The following SEL1L2 variants were observed in gnomAD, a reference collection of about 807,000 sequenced individuals.
SEL1L2 encodes SEL1L2 adaptor subunit of SYVN1 ubiquitin ligase.
A neutral mutation model predicts 98.8 loss-of-function variants in SEL1L2; 89 were observed. That is an observed-to-expected ratio of 0.90 (90% CI 0.76 to 1.07). SEL1L2 has a LOEUF of 1.07. SEL1L2 is among the 50% of genes least tolerant of loss of function. The probability of loss-of-function intolerance (pLI) is 0.00; values close to 1 mark genes in which losing one functional copy is unlikely to be tolerated. For missense variants in SEL1L2, 788 were observed against 812.0 expected, an observed-to-expected ratio of 0.97 and a Z score of 0.36; for synonymous variants, 262 against 278.5, an observed-to-expected ratio of 0.94 and a Z score of 0.59.
Position 13,887,833 on chromosome 20 carries a change from C to T in SEL1L2, c.681G>A (p.Ser227=), listed in dbSNP as rs755645284. 4.3e-5 allele frequency: 69 copies of T among 1,613,068 alleles called. No homozygotes were observed. Among genetic ancestry groups the T allele is most frequent in the Non-Finnish European group, 5.1e-5 (60 of 1,179,420 alleles). ...CACAATTCTGTAGAACATTGATTCC[C>T]GACAAATATCTGTACCCCTAAAACA... ...SQMILGYRYL[S]GINVLQNCEV... is the part of the protein sequence containing the mutation. Residue 227 remains serine, a synonymous_variant, in exon 8 of 20, where the codon TCG becomes TCA. Coordinates refer to ENST00000284951, the MANE Select transcript of SEL1L2 (RefSeq NM_025229.2).
chr20:13,994,052 T>A (rs1265211952), upstream of SEL1L2, among the ~76,000 whole-genome samples: 6 of 152,136 alleles, frequency 3.9e-5, no homozygotes, highest in African/African-American at 1.4e-4. Context: ...GGCTCACGCC[T>A]GTAATCCCAG....
chr20:13,871,616 A>G (rs1028847167), intron 12 of SEL1L2, among the ~76,000 whole-genome samples: 6 of 151,634 alleles, frequency 4.0e-5, no homozygotes, highest in Admixed American at 2.6e-4. Flanking sequence ...GGTTCAAACT[A>G]TTCTCCTGCC....
chr20:13,977,680 T>G (rs1313781810), intron 1 of SEL1L2, among the ~76,000 whole-genome samples: 1 of 152,152 alleles, frequency 6.6e-6, no homozygotes, highest in African/African-American at 2.4e-5. Context: ...GCATGAGTAT[T>G]TATGTGTTCT....
chr20:13,921,998 C>T (rs6079219), intron 3 of SEL1L2, among the ~76,000 whole-genome samples: 4 of 152,178 alleles, frequency 2.6e-5, no homozygotes, highest in Non-Finnish European at 4.4e-5. Flanking sequence ...TGAAACCTGC[C>T]TAGTATCTAA....
At chr20:13,975,289 A>G (rs1446275375) in intron 1 of SEL1L2, among the ~76,000 whole-genome samples, 1 of 152,238 alleles carries the variant, frequency 6.6e-6, no homozygotes, top group African/African-American at 2.4e-5. Flanking sequence ...TTTGTTCTAT[A>G]TGAAAGCAAA....
At chr20:13,916,235 T>G (rs2048394541) in intron 4 of SEL1L2, among the ~76,000 whole-genome samples, 1 of 152,182 alleles carries the variant, frequency 6.6e-6, no homozygotes, top group Non-Finnish European at 1.5e-5. Context: ...TTAACCTATC[T>G]TACATCTGTC....
intron 2 of SEL1L2, among the ~76,000 whole-genome samples, chr20:13,933,364 C>T (rs2049244390): frequency 6.6e-6 from 1 of 152,004 alleles, no homozygotes; most frequent in Non-Finnish European, 1.5e-5. Context: ...AATTTTAGAA[C>T]ATTTTTATCA....
chr20:13,986,258 A>G (rs1448285802), intron 1 of SEL1L2, among the ~76,000 whole-genome samples: 1 of 152,184 alleles, frequency 6.6e-6, no homozygotes, highest in Non-Finnish European at 1.5e-5. Flanking sequence ...TGAAATCCAT[A>G]TAACATAAAA....
intron 5 of SEL1L2, among the ~76,000 whole-genome samples, chr20:13,912,292 ATTTTT>A (rs11478603): frequency 9.0e-6 from 1 of 111,344 alleles, no homozygotes; most frequent in Non-Finnish European, 1.8e-5. Flanking sequence ...TTTCTGTGGG[ATTTTT>A]TTTTTTTTTT....
chr20:13,939,918 C>T (rs577003317), intron 2 of SEL1L2, among the ~76,000 whole-genome samples: 2 of 152,160 alleles, frequency 1.3e-5, no homozygotes, highest in East Asian at 3.9e-4. Context: ...CCACCTGCCT[C>T]GGCCTCCCAA....
chr20:13,861,621 G>A (rs941672659), intron 17 of SEL1L2, among the ~76,000 whole-genome samples: 3 of 152,002 alleles, frequency 2.0e-5, no homozygotes, highest in Admixed American at 6.6e-5. Flanking sequence ...TATTTTAATC[G>A]CTCTGAAGAG....
chr20:13,921,360 T>C (rs1249974846), intron 3 of SEL1L2, among the ~76,000 whole-genome samples: 1 of 152,168 alleles, frequency 6.6e-6, no homozygotes. Context: ...TTGGTAGAGA[T>C]GTGGTTTCAC....
chr20:13,950,228 A>T (rs2050203913), intron 2 of SEL1L2, among the ~76,000 whole-genome samples: 1 of 152,166 alleles, frequency 6.6e-6, no homozygotes, highest in Admixed American at 6.5e-5. Flanking sequence ...TCGGTTTTAC[A>T]AGATGGAGAG....
chr20:13,910,233 C>T (rs1331517348), intron 5 of SEL1L2, among the ~76,000 whole-genome samples: 1 of 152,132 alleles, frequency 6.6e-6, no homozygotes, highest in Admixed American at 6.6e-5. Flanking sequence ...TGACTGATCC[C>T]AAAGACAATG....
intron 1 of SEL1L2, among the ~76,000 whole-genome samples, chr20:13,983,796 T>G (rs1054983417): frequency 6.6e-6 from 1 of 151,118 alleles, no homozygotes; most frequent in Non-Finnish European, 1.5e-5. Flanking sequence ...GCTGGGATTG[T>G]AGGTATGAAC....
chr20:13,888,635 C>A (rs879242456), intron 5 of SEL1L2, 123 bp from the exon 6 acceptor site: 3 of 203,632 alleles, frequency 1.5e-5, no homozygotes, highest in African/African-American at 4.1e-5. Context: ...CTTTCTTTCT[C>A]TTTTTTTTTT....
chr20:13,862,920 C>A (rs928068359), intron 17 of SEL1L2, among the ~76,000 whole-genome samples: 1 of 151,994 alleles, frequency 6.6e-6, no homozygotes, highest in African/African-American at 2.4e-5. Flanking sequence ...TGGTCTTGAA[C>A]TATTGGTCTC....
intron 17 of SEL1L2, among the ~76,000 whole-genome samples, chr20:13,863,112 A>T (rs554710983): frequency 5.0e-4 from 76 of 152,304 alleles, no homozygotes; most frequent in African/African-American, 1.7e-3. Context: ...CCCAGAAAAG[A>T]GGCCCAAGGG....
Position 13,870,185 on chromosome 20 carries a change from G to A in SEL1L2, c.1123C>T (p.His375Tyr), listed in dbSNP as rs760998207. 1 of 1,611,388 alleles carries A rather than the reference G, an allele frequency of 6.2e-7. No individual in the cohort carries two copies. Among genetic ancestry groups the A allele is most frequent in the Admixed American group, 1.7e-5 (1 of 59,932 alleles). The change falls in exon 13 of 20, where the codon CAT becomes TAT. Residue 375 changes from histidine to tyrosine, a missense_variant. Transcript: ENST00000284951. ...AASKGNAIGL[H>Y]GLGLLYFHGK... Reference sequence around the variant, plus strand: ...TGAAAGTAAAGAAGACCAAGCCCATGAAGGCCGATTGCATTGCCCTAGAAG... The same window carrying A: ...TGAAAGTAAAGAAGACCAAGCCCATAAAGGCCGATTGCATTGCCCTAGAAG...
Sources: gnomAD v4.1 joint callset for allele counts (sites outside exome capture counted in the v4.1 genomes callset) on GRCh38, gnomAD v4.1.1 for gene constraint, MANE v1.5 for transcripts, NCBI Gene and HGNC (gene_info 2026-07-23, HGNC 2026-07-21) for gene names.